The following SIRPB2 variants were observed in gnomAD, a reference collection of about 807,000 sequenced individuals.
SIRPB2 encodes signal-regulatory protein beta-2.
In SIRPB2, 18 loss-of-function variants were observed where a neutral mutation model predicts 27.1. The ratio of observed to expected loss-of-function variants is 0.66; its 90% CI spans 0.46 to 0.98. The LOEUF is 0.98. Ranked by LOEUF, SIRPB2 falls within the 50% of genes least tolerant of loss-of-function variation. SIRPB2 has a pLI of 0.00. For synonymous variants in SIRPB2, 150 were observed against 164.6 expected, an observed-to-expected ratio of 0.91 and a Z score of 0.68; for missense variants, 420 against 417.4, an observed-to-expected ratio of 1.01 and a Z score of -0.06.
chr20:1,483,395 C>T (rs989298963), intron 1 of SIRPB2, among the ~76,000 whole-genome samples: 1 of 152,148 alleles, frequency 6.6e-6, no homozygotes, highest in African/African-American at 2.4e-5. Flanking sequence ...GCACGAGCCA[C>T]AGCACCTGGC....
chr20:1,479,983 A>G lies in SIRPB2; in HGVS notation c.168T>C (p.Leu56=). Residue 56 remains leucine (L), a synonymous_variant, in exon 2 of 5, where the codon CTT becomes CTC. Transcript: ENST00000359801. ...GPMLVAEGET[L]LLRCMVVGSC... is the part of the protein sequence containing the mutation. ...AGCCGACCACCATACACCTCAGTAG[A>G]AGTGTCTCACCTTCTGCCACCAGCA... is the stretch of plus-strand genomic sequence containing the variant. 1 of 1,614,160 alleles carries G rather than the reference A, an allele frequency of 6.2e-7. No individual in the cohort carries two copies. The highest frequency in any genetic ancestry group is 8.5e-7 in the Non-Finnish European group (1 of 1,180,034).
At chr20:1,489,241 A>G (rs536975671) in intron 1 of SIRPB2, among the ~76,000 whole-genome samples, 25 of 152,318 alleles carry the variant, frequency 1.6e-4, no homozygotes, top group African/African-American at 6.0e-4. Context: ...TGGGCGCTGG[A>G]TATGTTCATG....
At chr20:1,485,989 T>C (rs1007669542) in intron 1 of SIRPB2, among the ~76,000 whole-genome samples, 1 of 152,028 alleles carries the variant, frequency 6.6e-6, no homozygotes, top group African/African-American at 2.4e-5. Flanking sequence ...GTTCAATCTG[T>C]TATTAAAAAT....
At chr20:1,472,328 T>C (rs1476428704), downstream of SIRPB2, among the ~76,000 whole-genome samples, 3 of 152,216 alleles carry the variant, frequency 2.0e-5, no homozygotes, top group East Asian at 3.9e-4. Context: ...GTTATATTTG[T>C]CTTCTTTAGT....
chr20:1,484,093 G>C lies in SIRPB2; in HGVS notation c.86-4028C>G, dbSNP rs111497241. Among the ~76,000 whole-genome samples, 904 of 152,262 alleles carry C rather than the reference G, an allele frequency of 5.9e-3. 10 individuals carry two copies. Among genetic ancestry groups the C allele is most frequent in the Non-Finnish European group, 9.5e-3 (648 of 68,008 alleles). ...TACAGCCAATTGATTTTTGGCAAAG[G>C]TATCAAGAATACACATTCAATAAAT... On this transcript the variant is annotated intron_variant, in intron 1 of 4. Transcript: ENST00000359801.
rs1174625206 is a variant in SIRPB2, at chr20:1,476,072, G to A, written c.*95C>T. 7.0e-7 allele frequency: 1 copy of A among 1,424,138 alleles called. No individual in the cohort carries two copies. Among genetic ancestry groups the A allele is most frequent in the East Asian group, 2.3e-5 (1 of 43,458 alleles). The allele number at this position is 1,424,138 out of a possible 1,614,324, so 88.2% of individuals were successfully genotyped here. ...GATCTAGGAGTTTGTCATGAGGCCT[G>A]GGGGCACCTAGAGGCTGGGACTGGA... is the stretch of plus-strand genomic sequence containing the variant. On this transcript the variant is annotated 3_prime_UTR_variant, in exon 5 of 5. Coordinates refer to ENST00000359801, the MANE Select transcript of SIRPB2 (RefSeq NM_001122962.2).
chr20:1,476,440 C>T (rs960937744), intron 4 of SIRPB2, 104 bp from the exon 5 acceptor site: 2 of 1,173,800 alleles, frequency 1.7e-6, no homozygotes, highest in Admixed American at 2.9e-5. Context: ...TGCTGTATAA[C>T]CTCTGGAGCT....
At chr20:1,484,137 T>C (rs1189020915) in intron 1 of SIRPB2, among the ~76,000 whole-genome samples, 1 of 152,196 alleles carries the variant, frequency 6.6e-6, no homozygotes, top group African/African-American at 2.4e-5. Flanking sequence ...AAAAACTGGA[T>C]ATCCATATGC....
At chr20:1,488,616 C>A (rs1447940579) in intron 1 of SIRPB2, among the ~76,000 whole-genome samples, 1 of 148,850 alleles carries the variant, frequency 6.7e-6, no homozygotes, top group Non-Finnish European at 1.5e-5. Flanking sequence ...CCATTGCACT[C>A]CAGCCTGGGC....
chr20:1,477,148 C>A, intron 4 of SIRPB2, 190 bp downstream of exon 4: 3 of 1,550,464 alleles, frequency 1.9e-6, no homozygotes, highest in Non-Finnish European at 2.6e-6. Flanking sequence ...TGAGAAAGTT[C>A]GTTATAGCTG....
chr20:1,482,262 C>T (rs773511831), intron 1 of SIRPB2, among the ~76,000 whole-genome samples: 12 of 152,096 alleles, frequency 7.9e-5, no homozygotes, highest in Non-Finnish European at 1.5e-4. Context: ...TCTTTCCTAG[C>T]TGTTCTGAAA....
chr20:1,487,939 A>T (rs1397860490), intron 1 of SIRPB2, among the ~76,000 whole-genome samples: 1 of 152,232 alleles, frequency 6.6e-6, no homozygotes, highest in Non-Finnish European at 1.5e-5. Context: ...ATAAAAATTA[A>T]CTCAAAATAG....
At chr20:1,483,411 T>C (rs913826530) in intron 1 of SIRPB2, among the ~76,000 whole-genome samples, 1 of 152,166 alleles carries the variant, frequency 6.6e-6, no homozygotes, top group African/African-American at 2.4e-5. Flanking sequence ...CTGGCCTTTT[T>C]TTGGGTCTTT....
intron 1 of SIRPB2, among the ~76,000 whole-genome samples, chr20:1,481,834 T>C (rs1433087140): frequency 6.6e-6 from 1 of 152,206 alleles, no homozygotes. Context: ...GTCAGATCTG[T>C]TATCACTGAT....
intron 1 of SIRPB2, among the ~76,000 whole-genome samples, chr20:1,485,749 G>A (rs1483352205): frequency 6.6e-6 from 1 of 151,866 alleles, no homozygotes; most frequent in Non-Finnish European, 1.5e-5. Flanking sequence ...ATTGAACAGA[G>A]GGGACACACA....
chr20:1,487,389 A>G (rs1488914628), intron 1 of SIRPB2, among the ~76,000 whole-genome samples: 6 of 152,272 alleles, frequency 3.9e-5, no homozygotes, highest in Non-Finnish European at 8.8e-5. Context: ...AAGTTGATAT[A>G]TAAACTCAAT....
At chr20:1,479,525 G>T in intron 2 of SIRPB2, 175 bp downstream of exon 2, 1 of 981,800 alleles carries the variant, frequency 1.0e-6, no homozygotes, top group Non-Finnish European at 1.5e-6. Flanking sequence ...GCTCTGGCAT[G>T]AGACATGAGG....
Position 1,478,266 on chromosome 20 carries a change from C to G in SIRPB2, c.793G>C (p.Ala265Pro). 6.2e-7 allele frequency: 1 copy of G among 1,609,192 alleles called. No homozygotes were observed. Among genetic ancestry groups the G allele is most frequent in the Non-Finnish European group, 8.5e-7 (1 of 1,176,228 alleles). Reference protein sequence around the residue: ...SGQGTSLKVKAKSTSSKEAEF... With the variant: ...SGQGTSLKVKPKSTSSKEAEF... Reference sequence around the variant, plus strand: ...ACAAGTCCAAAACCAATTGTCTCACCTTTCACTTTCAGGCTGGTGCCCTGT... The same window carrying G: ...ACAAGTCCAAAACCAATTGTCTCACGTTTCACTTTCAGGCTGGTGCCCTGT... Residue 265 changes from alanine to proline, a missense_variant and splice_region_variant, in exon 3 of 5, where the codon GCA (alanine) becomes CCA (proline). Ala to Pro is a conservative substitution (Grantham distance 27, BLOSUM62 -1). Coordinates refer to ENST00000359801, the MANE Select transcript of SIRPB2 (RefSeq NM_001122962.2).
chr20:1,488,863 C>T (rs543402255), intron 1 of SIRPB2, among the ~76,000 whole-genome samples: 29 of 152,214 alleles, frequency 1.9e-4, no homozygotes, highest in Admixed American at 1.8e-3. Context: ...ATTTTATTCT[C>T]AGATATTTCC....
Sources: allele counts gnomAD v4.1 joint callset (sites outside exome capture counted in the v4.1 genomes callset), GRCh38; gene constraint gnomAD v4.1.1; transcripts MANE v1.5; gene names NCBI Gene and HGNC (gene_info 2026-07-23, HGNC 2026-07-21).